The following BST1 variants were observed in gnomAD, a reference collection of about 807,000 sequenced individuals.
BST1 encodes the protein bone marrow stromal cell antigen 1, also known as ADP-ribosyl cyclase/cyclic ADP-ribose hydrolase 2.
A neutral mutation model predicts 40.6 loss-of-function variants in BST1; 49 were observed. The observed-to-expected ratio is 1.21, with a 90% CI of 0.96 to 1.53. The LOEUF (loss-of-function observed/expected upper bound fraction) is 1.53. BST1 is among the 40% of genes most tolerant of loss of function. The pLI is 0.00. For synonymous variants in BST1, 157 were observed against 159.3 expected (o/e 0.99, Z 0.11); for missense variants, 423 against 395.9 (o/e 1.07, Z -0.58).
Position 15,731,800 on chromosome 4 carries a change from TATC to T in BST1, c.915_917del (p.Ile306del). 2 of 1,613,862 alleles carry T rather than the reference TATC, an allele frequency of 1.2e-6. No individual in the cohort carries two copies. Among genetic ancestry groups the T allele is most frequent in the East Asian group, 2.2e-5 (1 of 44,880 alleles). ...TTTATACAGAACAAAGGGCGGGTCT[TATC>T]ATTCCCCTCTTTCTGGTGCTGGCTT... On this transcript the variant is annotated inframe_deletion, in exon 9 of 9. Transcript: ENST00000265016.
chr4:15,761,296 T>A, the BST1 span, among the ~76,000 whole-genome samples: 1 of 151,774 alleles, frequency 6.6e-6, no homozygotes, highest in African/African-American at 2.4e-5. Context: ...AAAAATGGAG[T>A]TTTAAAATTC....
At chr4:15,750,111 G>A in the BST1 span, among the ~76,000 whole-genome samples, 334 of 151,818 alleles carry the variant, frequency 2.2e-3, 4 homozygotes, top group African/African-American at 7.3e-3. Flanking sequence ...CCCAACCTCC[G>A]CCACCCAGGT....
At chr4:15,761,074 C>T in the BST1 span, among the ~76,000 whole-genome samples, 7 of 151,620 alleles carry the variant, frequency 4.6e-5, no homozygotes, top group Non-Finnish European at 7.4e-5. Flanking sequence ...GACAGAGTTT[C>T]GCTCTTGTTG....
downstream of BST1, among the ~76,000 whole-genome samples, chr4:15,737,458 TGGGCAGCAAGG>T (rs1455897165): frequency 6.6e-6 from 1 of 152,218 alleles, no homozygotes; most frequent in African/African-American, 2.4e-5. Context: ...CTCCATGGTC[TGGGCAGCAAGG>T]GGGCAGCAGG....
At chr4:15,743,383 C>T in the BST1 span, 5 of 307,456 alleles carry the variant, frequency 1.6e-5, no homozygotes, top group African/African-American at 1.1e-4. Context: ...CTGTATGAAG[C>T]TGTAGGATAT....
intron 8 of BST1, among the ~76,000 whole-genome samples, chr4:15,726,073 C>T (rs1486436794): frequency 2.7e-5 from 4 of 150,438 alleles, no homozygotes; most frequent in South Asian, 4.2e-4. Context: ...GTGATCCTCC[C>T]ACCTCAGCCT....
At chr4:15,730,994 T>C in intron 8 of BST1, 1 of 560,454 alleles carries the variant, frequency 1.8e-6, no homozygotes, top group Non-Finnish European at 2.9e-6. Flanking sequence ...CCTATGGTGC[T>C]CTCGATATAT....
At chr4:15,761,168 C>T in the BST1 span, among the ~76,000 whole-genome samples, 1 of 151,824 alleles carries the variant, frequency 6.6e-6, no homozygotes, top group African/African-American at 2.4e-5. Context: ...CCTCAGCCTC[C>T]CGAGTAGCTG....
downstream of BST1, among the ~76,000 whole-genome samples, chr4:15,740,122 C>T (rs995016219): frequency 6.6e-5 from 10 of 152,156 alleles, no homozygotes; most frequent in African/African-American, 2.2e-4. Flanking sequence ...GGCACCGTCT[C>T]GTCTCACTGC....
the BST1 span, among the ~76,000 whole-genome samples, chr4:15,746,234 G>A: frequency 6.6e-6 from 1 of 152,140 alleles, no homozygotes; most frequent in East Asian, 1.9e-4. Flanking sequence ...TTTTTTCCAG[G>A]GGTTAGATTG....
the BST1 span, among the ~76,000 whole-genome samples, chr4:15,752,825 CT>C: frequency 6.6e-6 from 1 of 152,004 alleles, no homozygotes; most frequent in Non-Finnish European, 1.5e-5. Flanking sequence ...ATTTCACTGG[CT>C]TTTTTTGGAA....
the BST1 span, among the ~76,000 whole-genome samples, chr4:15,757,379 C>A: frequency 6.6e-6 from 1 of 152,166 alleles, no homozygotes; most frequent in Non-Finnish European, 1.5e-5. Context: ...GTTCTCCCTG[C>A]ACGAACTGCA....
At chr4:15,703,456 G>C in intron 1 of BST1, 124 bp downstream of exon 1, 6 of 1,406,642 alleles carry the variant, frequency 4.3e-6, no homozygotes, top group Non-Finnish European at 3.7e-6. Flanking sequence ...TGAGGGGAGA[G>C]GTGAGTGTGG....
intron 3 of BST1, 88 bp downstream of exon 3, chr4:15,707,734 A>G (rs1355298521): frequency 1.2e-5 from 18 of 1,489,426 alleles, no homozygotes; most frequent in Non-Finnish European, 1.6e-5. Flanking sequence ...ATATGCATTT[A>G]TTTCACTTGA....
chr4:15,724,590 G>A (rs1720999013), intron 8 of BST1, among the ~76,000 whole-genome samples: 1 of 152,140 alleles, frequency 6.6e-6, no homozygotes, highest in African/African-American at 2.4e-5. Flanking sequence ...GGAGGCTGAG[G>A]CAGGAGAATC....
chr4:15,743,577 G>A, the BST1 span: 56 of 350,872 alleles, frequency 1.6e-4, no homozygotes, highest in African/African-American at 1.2e-3. Flanking sequence ...GGCACAAAGG[G>A]CCCAGCTGGG....
At chr4:15,725,008 C>A (rs999204050) in intron 8 of BST1, among the ~76,000 whole-genome samples, 10 of 152,128 alleles carry the variant, frequency 6.6e-5, no homozygotes, top group Non-Finnish European at 1.3e-4. Flanking sequence ...AGTAACACAG[C>A]AAAAGGAAGC....
chr4:15,737,480 G>A (rs1262083851), downstream of BST1, among the ~76,000 whole-genome samples: 1 of 152,218 alleles, frequency 6.6e-6, no homozygotes, highest in Non-Finnish European at 1.5e-5. Flanking sequence ...GGGCAGCAGG[G>A]AGCCCTGGCA....
At chr4:15,753,846 C>A in the BST1 span, among the ~76,000 whole-genome samples, 1 of 152,144 alleles carries the variant, frequency 6.6e-6, no homozygotes, top group African/African-American at 2.4e-5. Context: ...AGTGAGGCAA[C>A]AGGGAGGTCA....
Sources: gnomAD v4.1 joint callset for allele counts (sites outside exome capture counted in the v4.1 genomes callset) on GRCh38, gnomAD v4.1.1 for gene constraint, MANE v1.5 for transcripts, NCBI Gene and HGNC (gene_info 2026-07-23, HGNC 2026-07-21) for gene names.